CNTNAP2: variants seen among roughly 807,000 people sequenced by gnomAD.
CNTNAP2 encodes contactin-associated protein-like 2.
In CNTNAP2, 98 loss-of-function variants were observed where a neutral mutation model predicts 155.2. That is an observed-to-expected ratio of 0.63 (90% CI 0.54 to 0.75). The LOEUF (loss-of-function observed/expected upper bound fraction) is 0.75, where lower values mean the gene tolerates loss of function less well. CNTNAP2 is among the 30% of genes least tolerant of loss of function. CNTNAP2 has a pLI of 0.00. For missense variants in CNTNAP2, 1,727 were observed against 1,688.1 expected (o/e 1.02, Z -0.40); for synonymous variants, 651 against 631.2 (o/e 1.03, Z -0.47).
intron 10 of CNTNAP2, among the ~76,000 whole-genome samples, chr7:147,414,724 G>A (rs1297878050): frequency 2.0e-5 from 3 of 151,854 alleles, no homozygotes; most frequent in Non-Finnish European, 2.9e-5. Flanking sequence ...GGCGGATCAC[G>A]AGGTCAGGAG....
intron 4 of CNTNAP2, among the ~76,000 whole-genome samples, chr7:147,091,314 G>A (rs952664578): frequency 5.9e-5 from 9 of 151,900 alleles, no homozygotes; most frequent in African/African-American, 1.5e-4. Context: ...GTATTTCTTC[G>A]GTCATGAGAA....
intron 13 of CNTNAP2, among the ~76,000 whole-genome samples, chr7:147,710,247 T>C (rs1245835053): frequency 6.6e-6 from 1 of 152,206 alleles, no homozygotes; most frequent in Non-Finnish European, 1.5e-5. Flanking sequence ...TAGGAATATG[T>C]GCACTGACCA....
At chr7:147,859,932 T>G (rs1799108133) in intron 13 of CNTNAP2, among the ~76,000 whole-genome samples, 1 of 152,202 alleles carries the variant, frequency 6.6e-6, no homozygotes, top group Non-Finnish European at 1.5e-5. Flanking sequence ...GATATACTGA[T>G]ATTGCAAACT....
Position 148,354,443 on chromosome 7 carries a change from C to G in CNTNAP2, c.3476-29206C>G, listed in dbSNP as rs527668678. On this transcript the variant is annotated intron_variant, in intron 21 of 23. Coordinates refer to ENST00000361727, the MANE Select transcript of CNTNAP2 (RefSeq NM_014141.6). ...ATGGCCCAGAAATCATTTTGGGGAGCCCTTAGGCTGCTGTTCCAATCCAGC... is the reference window on the plus strand; with the variant it reads ...ATGGCCCAGAAATCATTTTGGGGAGGCCTTAGGCTGCTGTTCCAATCCAGC... Among the ~76,000 whole-genome samples the G allele has an allele frequency of 5.3e-5, 8 of 152,152 alleles. No individual in the cohort carries two copies. The South Asian group carries it at 1.7e-3, about 32-fold the overall frequency.
At chr7:146,645,940 A>G (rs1014308301) in intron 1 of CNTNAP2, among the ~76,000 whole-genome samples, 5 of 152,108 alleles carry the variant, frequency 3.3e-5, no homozygotes, top group African/African-American at 1.2e-4. Flanking sequence ...TCTGAACTAT[A>G]TTTTATCTAA....
At chr7:148,347,221 C>T (rs899258242) in intron 21 of CNTNAP2, among the ~76,000 whole-genome samples, 1 of 150,568 alleles carries the variant, frequency 6.6e-6, no homozygotes, top group Non-Finnish European at 1.5e-5. Context: ...TGCACCACTA[C>T]ACTTCAGCCT....
chr7:147,666,171 G>A (rs1304005198), intron 13 of CNTNAP2, among the ~76,000 whole-genome samples: 8 of 152,116 alleles, frequency 5.3e-5, no homozygotes, highest in South Asian at 2.1e-4. Flanking sequence ...AAAATCACCC[G>A]AAATATACTA....
At chr7:146,395,290 G>A (rs1795603341) in intron 1 of CNTNAP2, among the ~76,000 whole-genome samples, 1 of 152,066 alleles carries the variant, frequency 6.6e-6, no homozygotes, top group African/African-American at 2.4e-5. Flanking sequence ...GTAAGTGGTG[G>A]GTGTGGGATT....
At chr7:147,426,269 C>G (rs757965043) in intron 10 of CNTNAP2, among the ~76,000 whole-genome samples, 48 of 151,616 alleles carry the variant, frequency 3.2e-4, no homozygotes, top group Admixed American at 7.2e-4. Flanking sequence ...TATAGAGTTG[C>G]TTTTACCTTA....
At chr7:148,362,930 C>A (rs1056013466) in intron 21 of CNTNAP2, among the ~76,000 whole-genome samples, 1 of 152,138 alleles carries the variant, frequency 6.6e-6, no homozygotes, top group Non-Finnish European at 1.5e-5. Context: ...ACCCATACAA[C>A]CACTCTTTTC....
intron 1 of CNTNAP2, among the ~76,000 whole-genome samples, chr7:146,709,351 C>T (rs2129174776): frequency 6.6e-6 from 1 of 152,236 alleles, no homozygotes; most frequent in Admixed American, 6.5e-5. Flanking sequence ...TCTACAGCAC[C>T]ACAATCCATG....
intron 8 of CNTNAP2, among the ~76,000 whole-genome samples, chr7:147,275,893 T>A (rs932951775): frequency 1.5e-4 from 23 of 151,970 alleles, no homozygotes; most frequent in African/African-American, 5.6e-4. Flanking sequence ...GGATTTTGAG[T>A]GCTTTTTCTG....
At chr7:148,046,571 C>A (rs1402046887) in intron 15 of CNTNAP2, among the ~76,000 whole-genome samples, 1 of 152,070 alleles carries the variant, frequency 6.6e-6, no homozygotes, top group Non-Finnish European at 1.5e-5. Context: ...CTCTGGCTAC[C>A]TGACACCCCA....
Position 146,585,751 on chromosome 7 carries a change from G to GAAAGAAAGAAA in CNTNAP2, c.98-188520_98-188519insAAAGAAAGAAA, listed in dbSNP as rs1491504474. ...AGAAGAAAGAAAGAAAAAGAAAGAA[G>GAAAGAAAGAAA]GAAAGAAAGAAAGGAAAGAAAGAAA... On this transcript the variant is annotated intron_variant, in intron 1 of 23. Coordinates refer to ENST00000361727, the MANE Select transcript of CNTNAP2 (RefSeq NM_014141.6). Among the ~76,000 whole-genome samples the GAAAGAAAGAAA allele has an allele frequency of 5.8e-4, 85 of 146,118 alleles. 1 individual carries two copies. The East Asian group carries it at 8.3e-3, about 14-fold the overall frequency.
chr7:147,164,323 A>T (rs1454364455), intron 8 of CNTNAP2, among the ~76,000 whole-genome samples: 2 of 152,196 alleles, frequency 1.3e-5, no homozygotes, highest in African/African-American at 4.8e-5. Context: ...GCCTCCAGGT[A>T]AATGGTGACT....
chr7:147,791,412 T>C (rs906009359), intron 13 of CNTNAP2, among the ~76,000 whole-genome samples: 14 of 152,096 alleles, frequency 9.2e-5, no homozygotes, highest in Non-Finnish European at 5.9e-5. Flanking sequence ...GTTTGATATA[T>C]ATAGTCTTTC....
At chr7:146,629,902 C>A (rs1799482563) in intron 1 of CNTNAP2, among the ~76,000 whole-genome samples, 1 of 151,680 alleles carries the variant, frequency 6.6e-6, no homozygotes, top group African/African-American at 2.4e-5. Context: ...TTGCATTAGC[C>A]TTCATATTTT....
chr7:148,078,344 G>A (rs561567282), intron 15 of CNTNAP2, among the ~76,000 whole-genome samples: 21 of 190 alleles, frequency 0.11, no homozygotes, highest in African/African-American at 0.26. Flanking sequence ...GATTACAGGC[G>A]TTGAGCAAGG....
intron 1 of CNTNAP2, among the ~76,000 whole-genome samples, chr7:146,662,245 C>G (rs1800103698): frequency 6.6e-6 from 1 of 152,070 alleles, no homozygotes; most frequent in South Asian, 2.1e-4. Flanking sequence ...TCAAGCGATT[C>G]TCTTGCCTTC....
Sources: gnomAD v4.1 joint callset for allele counts (sites outside exome capture counted in the v4.1 genomes callset) on GRCh38, gnomAD v4.1.1 for gene constraint, MANE v1.5 for transcripts, NCBI Gene and HGNC (gene_info 2026-07-23, HGNC 2026-07-21) for gene names.